Variants in ERBIN observed in about 807,000 individuals in gnomAD.
ERBIN encodes densin-180-like protein.
A neutral mutation model predicts 158.4 loss-of-function variants in ERBIN; 60 were observed. The observed-to-expected ratio is 0.38, with a 90% confidence interval of 0.31 to 0.47. ERBIN has a LOEUF of 0.47. ERBIN is among the 20% of genes least tolerant of loss of function. ERBIN has a pLI of 0.99. For missense variants in ERBIN, 1,610 were observed against 1,648.0 expected (o/e 0.98, Z 0.40); for synonymous variants, 594 against 557.2 (o/e 1.07, Z -0.93).
chr5:66,045,322 T>C (rs1758322256), intron 17 of ERBIN, among the ~76,000 whole-genome samples: 1 of 152,138 alleles, frequency 6.6e-6, no homozygotes, highest in South Asian at 2.1e-4. Flanking sequence ...ACAAATACTT[T>C]CTATTGTGTT....
At chr5:66,038,617 A>C in intron 15 of ERBIN, 135 bp downstream of exon 15, 1 of 592,436 alleles carries the variant, frequency 1.7e-6, no homozygotes. Flanking sequence ...TTGTTTCGAA[A>C]TAATGGAAAA....
At chr5:65,929,467 C>T (rs1743083796) in intron 1 of ERBIN, among the ~76,000 whole-genome samples, 1 of 151,944 alleles carries the variant, frequency 6.6e-6, no homozygotes, top group Non-Finnish European at 1.5e-5. Flanking sequence ...TTTTATTTTT[C>T]GTAATTGCTG....
At chr5:65,973,258 T>TG (rs1396314126) in intron 1 of ERBIN, among the ~76,000 whole-genome samples, 1 of 135,688 alleles carries the variant, frequency 7.4e-6, no homozygotes, top group Non-Finnish European at 1.6e-5. Context: ...TGTTGTGGGG[T>TG]GGGGGGAGCG....
At chr5:66,068,285 C>T (rs1305021925) in intron 21 of ERBIN, among the ~76,000 whole-genome samples, 1 of 151,400 alleles carries the variant, frequency 6.6e-6, no homozygotes, top group Non-Finnish European at 1.5e-5. Flanking sequence ...TGCAGTGAGC[C>T]AGGAGCTTGC....
chr5:65,979,892 G>A (rs867021364), intron 1 of ERBIN, among the ~76,000 whole-genome samples: 9 of 152,220 alleles, frequency 5.9e-5, no homozygotes, highest in Non-Finnish European at 1.0e-4. Flanking sequence ...TAAAATATAA[G>A]AGCACAAAAG....
intron 8 of ERBIN, 142 bp downstream of exon 8, chr5:66,021,527 A>C: frequency 1.8e-6 from 1 of 544,314 alleles, no homozygotes; most frequent in Non-Finnish European, 3.1e-6. Flanking sequence ...TCTTAGCCAG[A>C]ACTTTCCAGA....
rs34731955 is a variant in ERBIN at position 65,988,983 on chromosome 5, CAAAAAAAAAAAA to C, written c.-10+312_-10+323del. Among the ~76,000 whole-genome samples the C allele has an allele frequency of 1.1e-4, 7 of 62,904 alleles. No homozygotes were observed. The East Asian group carries it at 1.9e-3, about 17-fold the overall frequency. 41.3% of individuals were successfully genotyped at this position (62,904 alleles called of 152,430 possible). ...GGGCAACAGAGTGTGACCCTGTTTCCAAAAAAAAAAAAAAAAAAAAAAGCTTATTATTGTGCT... is the reference window on the plus strand; with the variant it reads ...GGGCAACAGAGTGTGACCCTGTTTCCAAAAAAAAAAGCTTATTATTGTGCT... On this transcript the variant is annotated intron_variant, in intron 2 of 25. Transcript: ENST00000284037.
chr5:66,026,848 T>TA (rs1224082498), intron 13 of ERBIN, among the ~76,000 whole-genome samples: 6 of 152,036 alleles, frequency 3.9e-5, no homozygotes, highest in Admixed American at 3.3e-4. Flanking sequence ...TTCTTACAGT[T>TA]ACCTTTTATT....
rs541620539 is a variant in ERBIN at position 66,054,248 on chromosome 5, A to G, written c.2930A>G (p.Tyr977Cys). Residue 977 changes from tyrosine to cysteine, a missense_variant, in exon 21 of 26, where the codon TAT (tyrosine) becomes TGT (cysteine). Coordinates refer to ENST00000284037, the MANE Select transcript of ERBIN (RefSeq NM_001253697.2). ...CCTCAAATATATGGTCCTCCACAGTATAATATCCAATACAGTAGCAGTGCT... is the reference window on the plus strand; with the variant it reads ...CCTCAAATATATGGTCCTCCACAGTGTAATATCCAATACAGTAGCAGTGCT... ...SAPQIYGPPQ[Y>C]NIQYSSSAAV... 4 of 1,614,180 alleles carry G rather than the reference A, an allele frequency of 2.5e-6. No individual in the cohort carries two copies. The highest frequency in any genetic ancestry group is 3.4e-6 in the Non-Finnish European group (4 of 1,180,014).
At position 66,080,132 on chromosome 5, in the gene ERBIN, G is replaced by A. The variant is rs2151319249; in HGVS notation, c.*1602G>A. The A allele has an allele frequency of 6.6e-6, 1 of 152,554 alleles. No individual in the cohort carries two copies. The highest frequency in any genetic ancestry group is 2.4e-5 in the African/African-American group (1 of 41,566). 9.5% of individuals were successfully genotyped at this position (152,554 alleles called of 1,614,324 possible). On this transcript the variant is annotated 3_prime_UTR_variant, in exon 26 of 26. Transcript: ENST00000284037. ...CTGTTATGCTTTGTTTATCAACCTT[G>A]ATTTTAATTAAGACTTTTATAAGAC...
At chr5:65,992,275 G>C (rs1037568098) in intron 2 of ERBIN, among the ~76,000 whole-genome samples, 8 of 152,056 alleles carry the variant, frequency 5.3e-5, no homozygotes, top group African/African-American at 1.4e-4. Context: ...TCAGCCTCCC[G>C]AGTAGCTGGG....
At chr5:66,069,665 AT>A (rs1160007253) in intron 21 of ERBIN, among the ~76,000 whole-genome samples, 2 of 152,204 alleles carry the variant, frequency 1.3e-5, no homozygotes, top group African/African-American at 4.8e-5. Context: ...CTGTTTTAAG[AT>A]TTTTTTCCCA....
chr5:65,964,654 G>A (rs1209572011), intron 1 of ERBIN, among the ~76,000 whole-genome samples: 1 of 151,824 alleles, frequency 6.6e-6, no homozygotes, highest in African/African-American at 2.4e-5. Context: ...CATATCCTGT[G>A]CAGAAGCATT....
intron 16 of ERBIN, among the ~76,000 whole-genome samples, chr5:66,043,812 C>T (rs985369423): frequency 2.0e-5 from 3 of 151,910 alleles, no homozygotes; most frequent in African/African-American, 7.3e-5. Flanking sequence ...TTTATATATA[C>T]GTAGATGAAT....
chr5:66,015,533 C>A (rs987911559), intron 7 of ERBIN, among the ~76,000 whole-genome samples: 4 of 152,002 alleles, frequency 2.6e-5, no homozygotes, highest in Non-Finnish European at 5.9e-5. Context: ...CACTGTAGGC[C>A]CTAAAATTTT....
intron 21 of ERBIN, among the ~76,000 whole-genome samples, chr5:66,066,522 T>TAAA (rs762065039): frequency 3.9e-5 from 4 of 102,112 alleles, no homozygotes; most frequent in African/African-American, 1.6e-4. Flanking sequence ...CTGCCAAAAA[T>TAAA]AAAAAAAAAA....
At position 66,018,592 on chromosome 5, in the gene ERBIN, AAT is replaced by A. The variant is rs1267573424; in HGVS notation, c.534-2723_534-2722del. Among the ~76,000 whole-genome samples the A allele has an allele frequency of 3.2e-5, 2 of 61,596 alleles. 1 individual carries two copies. Among genetic ancestry groups the A allele is most frequent in the Non-Finnish European group, 6.2e-5 (2 of 32,454 alleles). The allele number at this position is 61,596 out of a possible 152,430, so 40.4% of individuals were successfully genotyped here. On this transcript the variant is annotated intron_variant, in intron 7 of 25. Transcript: ENST00000284037. ...TTATATTATATAATATATATTATAT[AAT>A]ATATATTATATATACATACACACAC...
intron 4 of ERBIN, among the ~76,000 whole-genome samples, chr5:65,995,238 A>C (rs1292988346): frequency 6.6e-6 from 1 of 152,128 alleles, no homozygotes; most frequent in Non-Finnish European, 1.5e-5. Flanking sequence ...TCTCCTGTCA[A>C]ACTGAAATCT....
chr5:66,075,036 A>G lies in ERBIN; in HGVS notation c.3769A>G (p.Asn1257Asp). The change falls in exon 23 of 26, where the codon AAT becomes GAT. Residue 1257 changes from asparagine (N) to aspartate (D), a missense_variant. Asn to Asp is a conservative substitution (Grantham distance 23). Around this residue, in one of 2 missense-constraint regions of ERBIN, gnomAD observed 1,014 missense variants for 936.1 expected, o/e 1.08. Transcript: ENST00000284037. Reference protein sequence around the residue: ...PDSLMKMPLSNGQMGQPLRPQ... With the variant: ...PDSLMKMPLSDGQMGQPLRPQ... ...ATGTTTTTCTTAGATGCCTTTGAGTAATGGACAGATGGGCCAGCCTCTCAG... is the reference window on the plus strand; with the variant it reads ...ATGTTTTTCTTAGATGCCTTTGAGTGATGGACAGATGGGCCAGCCTCTCAG... 6.2e-7 allele frequency: 1 copy of G among 1,614,138 alleles called. No individual in the cohort carries two copies. The highest frequency in any genetic ancestry group is 8.5e-7 in the Non-Finnish European group (1 of 1,179,988).
Sources: gnomAD v4.1 joint callset for allele counts (sites outside exome capture counted in the v4.1 genomes callset) on GRCh38, gnomAD v4.1.1 for gene constraint, gnomAD v4.1.1 regional missense constraint, MANE v1.5 for transcripts, NCBI Gene and HGNC (gene_info 2026-07-23, HGNC 2026-07-21) for gene names.